PRKAR1B: variants seen among roughly 807,000 people sequenced by gnomAD.
PRKAR1B encodes the protein protein kinase cAMP-dependent type I regulatory subunit beta.
Under a neutral mutation model 46.5 loss-of-function variants are expected in PRKAR1B, and 22 were observed. The observed-to-expected ratio is 0.47, with a 90% CI of 0.34 to 0.68. The LOEUF (loss-of-function observed/expected upper bound fraction) is 0.68, where lower values mean the gene tolerates loss of function less well. PRKAR1B is among the 30% of genes least tolerant of loss of function. The pLI, the probability that PRKAR1B is intolerant of heterozygous loss-of-function variation, is 0.01. For synonymous variants in PRKAR1B, 259 were observed against 217.7 expected (o/e 1.19, Z -1.67); for missense variants, 445 against 535.6 (o/e 0.83, Z 1.67).
At chr7:661,898 C>T (rs539280814) in intron 4 of PRKAR1B, among the ~76,000 whole-genome samples, 9 of 66,474 alleles carry the variant, frequency 1.4e-4, no homozygotes, top group African/African-American at 2.1e-4. Flanking sequence ...TACTCTCCCC[C>T]CCATGGCACA....
chr7:711,241 C>T, intron 2 of PRKAR1B, 88 bp downstream of exon 2: 1 of 1,536,292 alleles, frequency 6.5e-7, no homozygotes. Flanking sequence ...CCTTCGAGGA[C>T]CACGGGACAG....
At chr7:581,746 C>G (rs557221051) in intron 8 of PRKAR1B, among the ~76,000 whole-genome samples, 1 of 151,970 alleles carries the variant, frequency 6.6e-6, no homozygotes, top group Non-Finnish European at 1.5e-5. Flanking sequence ...GACAGGGTCT[C>G]GCTCTGTCAC....
chr7:592,023 C>T (rs1214762962), intron 7 of PRKAR1B, among the ~76,000 whole-genome samples: 1 of 152,242 alleles, frequency 6.6e-6, no homozygotes, highest in African/African-American at 2.4e-5. Flanking sequence ...GAGGCCCAGG[C>T]AGGCGGAGCA....
rs1468183247 is a variant in PRKAR1B, at chr7:667,018, T to C, written c.440+10211A>G. Among the ~76,000 whole-genome samples, 1 of 152,090 alleles carries C rather than the reference T, an allele frequency of 6.6e-6. No individual in the cohort carries two copies. Among genetic ancestry groups the C allele is most frequent in the Non-Finnish European group, 1.5e-5 (1 of 68,016 alleles). On this transcript the variant is annotated intron_variant, in intron 4 of 10. Coordinates refer to ENST00000537384, the MANE Select transcript of PRKAR1B (RefSeq NM_001164760.2). This position sits in a 1 kb window ranked among gnomAD's most constrained non-coding sequence, Gnocchi z 4.3. The stretch of plus-strand genomic sequence containing the variant: ...ATGGCAATGGTGGTGATGAGGATGG[T>C]GGTGGTGATGGTGATGATGATAATG...
chr7:727,129 G>T, intron 1 of PRKAR1B, 81 bp downstream of exon 1: 2 of 1,189,266 alleles, frequency 1.7e-6, no homozygotes. Flanking sequence ...CCCGCCCGAG[G>T]CCTGTGAGGA....
At chr7:694,342 T>C (rs1197470727) in intron 2 of PRKAR1B, among the ~76,000 whole-genome samples, 1 of 149,728 alleles carries the variant, frequency 6.7e-6, no homozygotes, top group African/African-American at 2.5e-5. Context: ...AGGGCTAGAG[T>C]TTAGACCCGG....
At chr7:605,056 C>T (rs1253740095) in intron 6 of PRKAR1B, among the ~76,000 whole-genome samples, 1 of 152,176 alleles carries the variant, frequency 6.6e-6, no homozygotes, top group Non-Finnish European at 1.5e-5. Context: ...GAGGGTCCTA[C>T]GAGGGAGGCG....
intron 9 of PRKAR1B, among the ~76,000 whole-genome samples, chr7:575,195 G>A (rs952820000): frequency 8.5e-5 from 13 of 152,352 alleles, no homozygotes; most frequent in South Asian, 2.1e-4. Flanking sequence ...TGACCTCATC[G>A]GAAGACCCAG....
chr7:654,818 A>G (rs1785109941), intron 4 of PRKAR1B, among the ~76,000 whole-genome samples: 1 of 152,008 alleles, frequency 6.6e-6, no homozygotes, highest in Admixed American at 6.6e-5. Flanking sequence ...CACCATTACC[A>G]TCAACTTTAA....
intron 1 of PRKAR1B, among the ~76,000 whole-genome samples, chr7:725,256 G>C (rs1010871072): frequency 2.0e-5 from 3 of 150,402 alleles, no homozygotes; most frequent in African/African-American, 7.3e-5. Flanking sequence ...CCACCATTTT[G>C]CAACACGAAG....
intron 2 of PRKAR1B, among the ~76,000 whole-genome samples, chr7:701,687 C>T (rs1780077109): frequency 1.3e-5 from 2 of 152,150 alleles, no homozygotes; most frequent in South Asian, 2.1e-4. Context: ...TCATCAGAAA[C>T]CATAAAGAAC....
intron 2 of PRKAR1B, among the ~76,000 whole-genome samples, chr7:681,068 G>C (rs1226036817): frequency 1.3e-5 from 2 of 152,092 alleles, no homozygotes; most frequent in African/African-American, 2.4e-5. Flanking sequence ...CTGTTCTCGT[G>C]ATAGTGAGGG....
intron 1 of PRKAR1B, among the ~76,000 whole-genome samples, chr7:724,647 C>T (rs922501358): frequency 6.6e-6 from 1 of 152,236 alleles, no homozygotes; most frequent in African/African-American, 2.4e-5. Context: ...ACCTCTGCTA[C>T]CATTTGTTCA....
In PRKAR1B at chr7:676,549, G is replaced by A. The variant is rs899824699; in HGVS notation, c.440+680C>T. Among the ~76,000 whole-genome samples, 11 of 152,342 alleles carry A rather than the reference G, an allele frequency of 7.2e-5. No homozygotes were observed. The South Asian group carries it at 1.2e-3, about 17-fold the overall frequency. On this transcript the variant is annotated intron_variant, in intron 4 of 10. Transcript: ENST00000537384. ...CTGTGCCTGCCTAGGTATAGCGCGC[G>A]GGGGAACCGCAGATCCAGACCCCCT...
intron 4 of PRKAR1B, among the ~76,000 whole-genome samples, chr7:618,236 C>T (rs1430008198): frequency 1.3e-5 from 2 of 152,342 alleles, no homozygotes; most frequent in East Asian, 1.9e-4. Flanking sequence ...CCGCCGTTCC[C>T]GACAGGCCCA....
intron 9 of PRKAR1B, among the ~76,000 whole-genome samples, chr7:552,274 T>C (rs13246876): frequency 5.8e-3 from 208 of 35,728 alleles, no homozygotes; most frequent in East Asian, 0.033. Flanking sequence ...TCTCCAGAGC[T>C]ACTGCCATCA....
chr7:715,197 T>C (rs1366344503), intron 1 of PRKAR1B, among the ~76,000 whole-genome samples: 2 of 152,094 alleles, frequency 1.3e-5, no homozygotes, highest in African/African-American at 4.8e-5. Context: ...AAATAATAAA[T>C]AAATACCTCG....
chr7:720,749 A>C (rs2128534819), intron 1 of PRKAR1B, among the ~76,000 whole-genome samples: 1 of 152,272 alleles, frequency 6.6e-6, no homozygotes, highest in South Asian at 2.1e-4. Context: ...TTCCCAAGGA[A>C]TTTCAACAGC....
intron 8 of PRKAR1B, among the ~76,000 whole-genome samples, chr7:582,476 C>T (rs565020253): frequency 1.3e-5 from 2 of 152,254 alleles, no homozygotes; most frequent in African/African-American, 2.4e-5. Context: ...AAAAGGGAAT[C>T]GTGCCTTGTG....
Sources: allele counts gnomAD v4.1 joint callset (sites outside exome capture counted in the v4.1 genomes callset), GRCh38; gene constraint gnomAD v4.1.1; non-coding constraint Gnocchi (gnomAD v3.1); transcripts MANE v1.5; gene names NCBI Gene and HGNC (gene_info 2026-07-23, HGNC 2026-07-21).